The following FUT9 variants were observed in gnomAD, a reference collection of about 807,000 sequenced individuals.
The protein encoded by FUT9 is fucosyltransferase 9.
FUT9 carries 15 observed loss-of-function variants against 29.7 expected under a neutral mutation model. That is an observed-to-expected ratio of 0.51 (90% CI 0.34 to 0.78). The LOEUF is 0.78. Ranked by LOEUF, FUT9 falls within the 30% of genes least tolerant of loss-of-function variation. FUT9 has a pLI of 0.01. For synonymous variants in FUT9, 169 were observed against 153.7 expected (o/e 1.10, Z -0.74); for missense variants, 319 against 425.4 (o/e 0.75, Z 2.20).
At chr6:96,150,359 C>T (rs4144270) in intron 2 of FUT9, among the ~76,000 whole-genome samples, 114,155 of 151,962 alleles carry the variant, frequency 0.75, 44,840 homozygotes, top group East Asian at 0.99. Flanking sequence ...TCCAGCATTC[C>T]GAGGAAAAAG....
intron 1 of FUT9, among the ~76,000 whole-genome samples, chr6:96,052,853 G>C (rs1273168632): frequency 6.6e-6 from 1 of 152,090 alleles, no homozygotes; most frequent in East Asian, 1.9e-4. Flanking sequence ...GTGGTGTGGA[G>C]AGAAGAATAG....
In FUT9 at chr6:96,077,099, A is replaced by C. The variant is rs116392129; in HGVS notation, c.-97-36940A>C. Among the ~76,000 whole-genome samples, 182 of 152,254 alleles carry C rather than the reference A, an allele frequency of 1.2e-3. No individual in the cohort carries two copies. The Middle Eastern group carries it at 0.014, about 11-fold the overall frequency. ...CACCTCAGAGACACAATACTCACAA[A>C]TACACAAATGCAGACATGGTTCTGG... On this transcript the variant is annotated intron_variant, in intron 1 of 2. Coordinates refer to ENST00000302103, the MANE Select transcript of FUT9 (RefSeq NM_006581.4).
chr6:96,072,311 G>A (rs1320852716), intron 1 of FUT9, among the ~76,000 whole-genome samples: 1 of 152,100 alleles, frequency 6.6e-6, no homozygotes, highest in African/African-American at 2.4e-5. Flanking sequence ...AGCAGTCAGA[G>A]CATAGGAATG....
intron 2 of FUT9, among the ~76,000 whole-genome samples, chr6:96,185,229 A>G (rs1773384765): frequency 1.3e-5 from 2 of 152,094 alleles, no homozygotes; most frequent in Non-Finnish European, 2.9e-5. Flanking sequence ...GAGGAAAGCA[A>G]GACCAACATC....
intron 1 of FUT9, among the ~76,000 whole-genome samples, chr6:96,038,268 A>T (rs1770397642): frequency 6.6e-6 from 1 of 152,244 alleles, no homozygotes; most frequent in African/African-American, 2.4e-5. Flanking sequence ...ACCAGAGAGG[A>T]TCTTCTGTCG....
At chr6:96,202,318 TTA>T in intron 2 of FUT9, among the ~76,000 whole-genome samples, 1 of 152,264 alleles carries the variant, frequency 6.6e-6, no homozygotes, top group East Asian at 1.9e-4. Flanking sequence ...GAGAATTTGT[TTA>T]TTTTTATAAT....
At chr6:96,164,253 C>T (rs368269715) in intron 2 of FUT9, among the ~76,000 whole-genome samples, 396 of 105,750 alleles carry the variant, frequency 3.7e-3, no homozygotes, top group African/African-American at 8.4e-3. Flanking sequence ...GATCCAGGTT[C>T]TTTTTTTTTT....
At chr6:96,164,283 G>T (rs1434348423) in intron 2 of FUT9, among the ~76,000 whole-genome samples, 2 of 138,644 alleles carry the variant, frequency 1.4e-5, no homozygotes, top group Non-Finnish European at 1.5e-5. Context: ...TTGAGACGGA[G>T]TCTTGCTCTC....
At chr6:96,144,823 A>C (rs10872758) in intron 2 of FUT9, among the ~76,000 whole-genome samples, 151,039 of 152,248 alleles carry the variant, frequency 0.99, 74,931 homozygotes, top group Middle Eastern at 1. Context: ...AACACTGTAT[A>C]ATCAGTATTT....
intron 1 of FUT9, among the ~76,000 whole-genome samples, chr6:96,063,427 G>T (rs1467157045): frequency 6.6e-6 from 1 of 151,962 alleles, no homozygotes; most frequent in South Asian, 2.1e-4. Flanking sequence ...GAGTATGGGG[G>T]GCACACTTTA....
chr6:96,133,822 T>A lies in FUT9; in HGVS notation c.-9+19695T>A, dbSNP rs183515624. On this transcript the variant is annotated intron_variant, in intron 2 of 2. Coordinates refer to ENST00000302103, the MANE Select transcript of FUT9 (RefSeq NM_006581.4). Reference sequence around the variant, plus strand: ...AATTAGTAGACTCTCAAGTAAATAATAAATTTTGCTTTTTATCTTCAAAGA... The same window carrying A: ...AATTAGTAGACTCTCAAGTAAATAAAAAATTTTGCTTTTTATCTTCAAAGA... 5.1e-3 allele frequency among the ~76,000 whole-genome samples: 781 copies of A among 152,080 alleles called. 8 individuals are homozygous for A. Among genetic ancestry groups the A allele is most frequent in the African/African-American group, 0.018 (743 of 41,562 alleles).
At chr6:96,199,806 A>G (rs1311822748) in intron 2 of FUT9, among the ~76,000 whole-genome samples, 1 of 152,168 alleles carries the variant, frequency 6.6e-6, no homozygotes, top group South Asian at 2.1e-4. Context: ...GTACTTGTAC[A>G]TAGTTGAGAT....
chr6:96,121,466 A>G (rs1772026192), intron 2 of FUT9, among the ~76,000 whole-genome samples: 1 of 152,176 alleles, frequency 6.6e-6, no homozygotes, highest in Non-Finnish European at 1.5e-5. Flanking sequence ...CCTAGGAAAA[A>G]CACTGTGGAG....
At chr6:96,174,506 C>G (rs1773169713) in intron 2 of FUT9, among the ~76,000 whole-genome samples, 1 of 152,106 alleles carries the variant, frequency 6.6e-6, no homozygotes, top group African/African-American at 2.4e-5. Context: ...AGTCATCTTT[C>G]ACCAGTTAAG....
At chr6:96,049,861 C>T (rs961709003) in intron 1 of FUT9, among the ~76,000 whole-genome samples, 2 of 152,132 alleles carry the variant, frequency 1.3e-5, no homozygotes, top group Non-Finnish European at 2.9e-5. Context: ...GATTAGCTAA[C>T]GTGGACTAAA....
At chr6:96,164,386 G>A (rs1034016922) in intron 2 of FUT9, among the ~76,000 whole-genome samples, 5 of 151,558 alleles carry the variant, frequency 3.3e-5, no homozygotes, top group African/African-American at 1.2e-4. Flanking sequence ...AGCCTCCTGA[G>A]TAGCTGGGAC....
intron 1 of FUT9, among the ~76,000 whole-genome samples, chr6:96,062,284 CTATAGGAAGGAAAAAGA>C (rs1381851173): frequency 6.6e-6 from 1 of 151,620 alleles, no homozygotes; most frequent in Non-Finnish European, 1.5e-5. Context: ...ATTATTAAAA[CTATAGGAAGGAAAAAGA>C]TATAGGAAGT....
intron 2 of FUT9, among the ~76,000 whole-genome samples, chr6:96,124,191 G>A (rs1404213614): frequency 7.7e-6 from 1 of 130,460 alleles, no homozygotes; most frequent in Non-Finnish European, 1.6e-5. Context: ...TGGCTCTGTC[G>A]CCCAGGCTGG....
intron 2 of FUT9, among the ~76,000 whole-genome samples, chr6:96,168,621 A>C (rs1442042149): frequency 1.3e-5 from 2 of 152,228 alleles, no homozygotes; most frequent in African/African-American, 2.4e-5. Flanking sequence ...ATGGCTGATT[A>C]GAAGGTATGT....
Sources: gnomAD v4.1 joint callset for allele counts (sites outside exome capture counted in the v4.1 genomes callset) on GRCh38, gnomAD v4.1.1 for gene constraint, MANE v1.5 for transcripts, NCBI Gene and HGNC (gene_info 2026-07-23, HGNC 2026-07-21) for gene names.